Variants in WDR27 observed in about 807,000 individuals in gnomAD.
WDR27 encodes WD repeat-containing protein 27.
A neutral mutation model predicts 114.4 loss-of-function variants in WDR27; 100 were observed. The observed-to-expected ratio is 0.87, with a 90% CI of 0.74 to 1.03. WDR27 has a LOEUF of 1.03. Ranked by LOEUF, WDR27 falls within the 50% of genes least tolerant of loss-of-function variation. WDR27 has a pLI of 0.00. For missense variants in WDR27, 1,129 were observed against 1,092.9 expected (o/e 1.03, Z -0.47); for synonymous variants, 449 against 423.1 (o/e 1.06, Z -0.75).
intron 13 of WDR27, among the ~76,000 whole-genome samples, chr6:169,654,409 G>A (rs79123787): frequency 5.3e-5 from 8 of 152,302 alleles, no homozygotes; most frequent in East Asian, 1.9e-4. Context: ...AAATAATAGC[G>A]AAGAGATAAT....
chr6:169,699,672 A>C (rs1787317715), intron 1 of WDR27, among the ~76,000 whole-genome samples: 1 of 152,130 alleles, frequency 6.6e-6, no homozygotes, highest in Non-Finnish European at 1.5e-5. Context: ...AAAAGGACTA[A>C]GGGTAGAATC....
chr6:169,658,756 T>A (rs1825059835), intron 12 of WDR27, among the ~76,000 whole-genome samples: 1 of 151,010 alleles, frequency 6.6e-6, no homozygotes, highest in African/African-American at 2.4e-5. Flanking sequence ...CGATCTCAGC[T>A]CACTGCAAGC....
At chr6:169,638,437 G>A (rs943211731) in intron 18 of WDR27, 102 bp downstream of exon 18, 51 of 1,440,970 alleles carry the variant, frequency 3.5e-5, no homozygotes, top group Middle Eastern at 2.6e-4. Context: ...CTTGGCTTAC[G>A]TCCCTTTCCT....
At chr6:169,512,126 A>G (rs1792981323) in intron 25 of WDR27, among the ~76,000 whole-genome samples, 1 of 152,186 alleles carries the variant, frequency 6.6e-6, no homozygotes, top group Non-Finnish European at 1.5e-5. Flanking sequence ...GAGAAGTCAA[A>G]CTGACAAAAT....
intron 17 of WDR27, among the ~76,000 whole-genome samples, chr6:169,641,122 C>T (rs1208299541): frequency 6.6e-6 from 1 of 152,214 alleles, no homozygotes; most frequent in Non-Finnish European, 1.5e-5. Flanking sequence ...TCTGCTCAGC[C>T]CCGACAAGTC....
chr6:169,615,401 C>G (rs1234199571), intron 21 of WDR27, among the ~76,000 whole-genome samples: 1 of 152,140 alleles, frequency 6.6e-6, no homozygotes. Context: ...AAGCAGACCC[C>G]AGTGTCTGTG....
At chr6:169,633,453 A>C (rs1323689417) in intron 20 of WDR27, among the ~76,000 whole-genome samples, 1 of 152,234 alleles carries the variant, frequency 6.6e-6, no homozygotes, top group South Asian at 2.1e-4. Flanking sequence ...CTAAGATTAG[A>C]CAGATCCACA....
At chr6:169,506,015 T>C (rs1791961020) in intron 25 of WDR27, among the ~76,000 whole-genome samples, 2 of 152,222 alleles carry the variant, frequency 1.3e-5, no homozygotes, top group Admixed American at 1.3e-4. Flanking sequence ...TTTAAACTCA[T>C]AAACAAAGCT....
intron 20 of WDR27, among the ~76,000 whole-genome samples, chr6:169,633,650 T>C (rs1254967209): frequency 1.3e-5 from 2 of 152,166 alleles, no homozygotes; most frequent in Non-Finnish European, 2.9e-5. Context: ...TGTAGTAATG[T>C]GTATAGGTGG....
intron 4 of WDR27, 93 bp from the exon 5 acceptor site, chr6:169,668,278 G>T: frequency 1.6e-6 from 2 of 1,279,022 alleles, no homozygotes; most frequent in Non-Finnish European, 2.2e-6. Flanking sequence ...GAGCTAAGAG[G>T]AAAGCTCAGG....
chr6:169,642,064 C>T (rs986650366), intron 17 of WDR27, among the ~76,000 whole-genome samples: 2 of 152,224 alleles, frequency 1.3e-5, no homozygotes, highest in Non-Finnish European at 2.9e-5. Flanking sequence ...GGTTTTCAAG[C>T]TGGGATGTGC....
intron 23 of WDR27, among the ~76,000 whole-genome samples, chr6:169,595,344 T>A (rs2128160349): frequency 6.6e-6 from 1 of 152,340 alleles, no homozygotes; most frequent in Middle Eastern, 3.4e-3. Context: ...CCAGCAGTTA[T>A]CTTTTATTAA....
chr6:169,675,617 A>C (rs2128304798), intron 2 of WDR27, among the ~76,000 whole-genome samples: 1 of 152,330 alleles, frequency 6.6e-6, no homozygotes. Context: ...GGTTTCGTTC[A>C]GAAAGGCGGG....
chr6:169,496,517 T>C (rs1790427766), intron 25 of WDR27, among the ~76,000 whole-genome samples: 1 of 152,260 alleles, frequency 6.6e-6, no homozygotes, highest in Non-Finnish European at 1.5e-5. Flanking sequence ...ATTATCTTTG[T>C]TTGCAGATAT....
chr6:169,469,777 T>C (rs756636529), intron 25 of WDR27, among the ~76,000 whole-genome samples: 22 of 152,242 alleles, frequency 1.4e-4, no homozygotes, highest in Non-Finnish European at 2.4e-4. Flanking sequence ...TCTGTTCCCA[T>C]TAGTTTACAC....
chr6:169,599,095 G>A (rs558748725), intron 23 of WDR27, among the ~76,000 whole-genome samples: 6 of 151,806 alleles, frequency 4.0e-5, no homozygotes, highest in East Asian at 3.9e-4. Flanking sequence ...CCATTAACTC[G>A]TCATTTAACA....
chr6:169,602,927 TG>T (rs1189940735), intron 22 of WDR27, among the ~76,000 whole-genome samples: 1 of 151,282 alleles, frequency 6.6e-6, no homozygotes, highest in East Asian at 2.0e-4. Context: ...CTGCAACCTC[TG>T]CCTCCCGGGT....
At chr6:169,452,773 CA>C (rs775292171), downstream of WDR27, among the ~76,000 whole-genome samples, 2 of 152,246 alleles carry the variant, frequency 1.3e-5, no homozygotes, top group Non-Finnish European at 2.9e-5. Flanking sequence ...TTGGCTTTGC[CA>C]AATCTTGCAT....
intron 21 of WDR27, among the ~76,000 whole-genome samples, chr6:169,626,180 G>A (rs747480149): frequency 2.0e-5 from 3 of 152,216 alleles, no homozygotes; most frequent in Non-Finnish European, 2.9e-5. Flanking sequence ...CAAGCCCGCG[G>A]GGACAGCTGC....
Sources: gnomAD v4.1 joint callset for allele counts (sites outside exome capture counted in the v4.1 genomes callset) on GRCh38, gnomAD v4.1.1 for gene constraint, MANE v1.5 for transcripts, NCBI Gene and HGNC (gene_info 2026-07-23, HGNC 2026-07-21) for gene names.